VPS13D: variants seen among roughly 807,000 people sequenced by gnomAD.
The protein encoded by VPS13D is vacuolar protein sorting 13 homolog D, also known as intermembrane lipid transfer protein VPS13D.
VPS13D carries 187 observed loss-of-function variants against 461.9 expected under a neutral mutation model. That is an observed-to-expected ratio of 0.40 (90% confidence interval 0.36 to 0.46). The LOEUF (loss-of-function observed/expected upper bound fraction) is 0.46. Among genes scored for constraint, VPS13D ranks in the 20% least tolerant of loss-of-function variants. VPS13D has a pLI of 0.60. For synonymous variants in VPS13D, 1,951 were observed against 1,986.3 expected (o/e 0.98, Z 0.47); for missense variants, 4,711 against 5,364.9 (o/e 0.88, Z 3.81).
Position 12,318,349 on chromosome 1 carries a change from T to A in VPS13D, c.7414+12T>A. ...GGTCAATGTAACAGGTGATTATATG[T>A]GGGTGTGATTCATTGGTGCTTAGTT... On this transcript the variant is annotated intron_variant, in intron 31 of 69. Coordinates refer to ENST00000620676, the MANE Select transcript of VPS13D (RefSeq NM_015378.4). 6.3e-7 allele frequency: 1 copy of A among 1,598,860 alleles called. No homozygotes were observed. The highest frequency in any genetic ancestry group is 8.6e-7 in the Non-Finnish European group (1 of 1,168,584).
chr1:12,414,445 A>G (rs574085511), intron 63 of VPS13D, among the ~76,000 whole-genome samples: 16 of 152,346 alleles, frequency 1.1e-4, no homozygotes, highest in South Asian at 4.1e-4. Context: ...GACGTTAACA[A>G]ACTACAGCTA....
chr1:12,288,097 T>C, intron 21 of VPS13D, 126 bp from the exon 22 acceptor site: 1 of 742,800 alleles, frequency 1.3e-6, no homozygotes, highest in Non-Finnish European at 2.3e-6. Context: ...AAATTGGCAT[T>C]GTTAAAAGCA....
chr1:12,451,756 A>G (rs566913061), intron 65 of VPS13D, among the ~76,000 whole-genome samples: 19 of 152,248 alleles, frequency 1.2e-4, no homozygotes, highest in Non-Finnish European at 2.5e-4. Context: ...GCCATGCCAG[A>G]TGCTTTACGT....
rs1464455649 is a variant in VPS13D at position 12,509,204 on chromosome 1, G to A, written c.*180G>A. ...AAATGGAAATCGTATTAATTTGTGA[G>A]GCAGGGAGTTATTTTAGATTATGGG... On this transcript the variant is annotated 3_prime_UTR_variant, in exon 70 of 70. Transcript: ENST00000620676. 2 of 703,514 alleles carry A rather than the reference G, an allele frequency of 2.8e-6. No individual in the cohort carries two copies. Among genetic ancestry groups the A allele is most frequent in the Non-Finnish European group, 4.4e-6 (2 of 457,524 alleles). 43.6% of individuals were successfully genotyped at this position (703,514 alleles called of 1,614,324 possible).
At chr1:12,487,137 G>T (rs554104078) in intron 67 of VPS13D, among the ~76,000 whole-genome samples, 1 of 152,292 alleles carries the variant, frequency 6.6e-6, no homozygotes, top group South Asian at 2.1e-4. Context: ...ACCCATGAGT[G>T]TGGTGACTGC....
chr1:12,485,243 C>G (rs1645782091), intron 67 of VPS13D, among the ~76,000 whole-genome samples: 1 of 152,222 alleles, frequency 6.6e-6, no homozygotes, highest in Non-Finnish European at 1.5e-5. Context: ...ACATTGAGGA[C>G]TGTGAAGAGG....
intron 67 of VPS13D, among the ~76,000 whole-genome samples, chr1:12,490,938 A>G (rs1227782433): frequency 2.6e-5 from 4 of 152,198 alleles, no homozygotes; most frequent in South Asian, 4.1e-4. Flanking sequence ...TTTTTCACCA[A>G]TTCGTCTACT....
rs1468264594 is a variant in VPS13D, at chr1:12,504,477, C to T, written c.12795-2376C>T. Among the ~76,000 whole-genome samples the T allele has an allele frequency of 2.0e-5, 3 of 152,348 alleles. No individual in the cohort carries two copies. In the East Asian group the frequency reaches 5.8e-4, roughly 29 times the overall value. On this transcript the variant is annotated intron_variant, in intron 68 of 69. Transcript: ENST00000620676. ...CAGGACAGAGATCCGTGTGGAGTGA[C>T]AGCACTGCCTTCCTCCACTTACCTT...
intron 65 of VPS13D, among the ~76,000 whole-genome samples, chr1:12,429,665 C>T (rs371525096): frequency 1.3e-5 from 2 of 152,244 alleles, no homozygotes; most frequent in African/African-American, 4.8e-5. Flanking sequence ...TAGCCAAAAT[C>T]GTACTATAGC....
rs758855777 is a variant in VPS13D at position 12,327,793 on chromosome 1, C to T, written c.8136C>T (p.Cys2712=). 6.2e-7 allele frequency: 1 copy of T among 1,614,124 alleles called. No homozygotes were observed. Among genetic ancestry groups the T allele is most frequent in the South Asian group, 1.1e-5 (1 of 91,072 alleles). The part of the protein sequence containing the change: ...SGVEIKAESV[C]ICFIDDCMDC... ...TGGAGATCAAAGCTGAGAGTGTGTGCATCTGTTTCATCGATGACTGCATGG... is the reference window on the plus strand; with the variant it reads ...TGGAGATCAAAGCTGAGAGTGTGTGTATCTGTTTCATCGATGACTGCATGG... The change falls in exon 36 of 70, where the codon TGC becomes TGT. Residue 2712 remains cysteine (C), a synonymous_variant. Coordinates refer to ENST00000620676, the MANE Select transcript of VPS13D (RefSeq NM_015378.4).
rs1173811963 is a variant in VPS13D at position 12,386,305 on chromosome 1, A to G, written c.11605A>G (p.Met3869Val). ...CTATACACAGCTGGCAACCAGTCACATGCTTGAACTCAGCATACAGGATGT... is the reference window on the plus strand; with the variant it reads ...CTATACACAGCTGGCAACCAGTCACGTGCTTGAACTCAGCATACAGGATGT... ...VHYTQLATSH[M>V]LELSIQDVQV... Residue 3869 changes from methionine (M) to valine (V), a missense_variant, in exon 60 of 70, where the codon ATG becomes GTG. Physicochemically the swap from Met to Val is conservative, Grantham distance 21. Around this residue, in one of 3 missense-constraint regions of VPS13D, gnomAD observed 4,411 missense variants for 4,937.8 expected, o/e 0.89. Coordinates refer to ENST00000620676, the MANE Select transcript of VPS13D (RefSeq NM_015378.4). 5 of 1,611,620 alleles carry G rather than the reference A, an allele frequency of 3.1e-6. No individual in the cohort carries two copies. In the African/African-American group the frequency reaches 4.0e-5, roughly 13 times the overall value.
At chr1:12,259,593 T>A (rs1389053380) in intron 10 of VPS13D, among the ~76,000 whole-genome samples, 2 of 152,070 alleles carry the variant, frequency 1.3e-5, no homozygotes, top group East Asian at 3.9e-4. Context: ...CCTGAGCCAC[T>A]GCGCCCAGCC....
intron 27 of VPS13D, 58 bp downstream of exon 27, chr1:12,308,699 G>A (rs959082062): frequency 2.6e-6 from 4 of 1,547,874 alleles, no homozygotes; most frequent in Non-Finnish European, 3.5e-6. Context: ...AGGCAGGGTG[G>A]AGTGCAGTGG....
rs553962995 is a variant in VPS13D, at chr1:12,300,408, A to G, written c.6216+1024A>G. Among the ~76,000 whole-genome samples, 21 of 152,134 alleles carry G rather than the reference A, an allele frequency of 1.4e-4. No homozygotes were observed. The East Asian group carries it at 2.9e-3, about 21-fold the overall frequency. On this transcript the variant is annotated intron_variant, in intron 25 of 69. Coordinates refer to ENST00000620676, the MANE Select transcript of VPS13D (RefSeq NM_015378.4). The stretch of plus-strand genomic sequence containing the variant: ...TTTTTAGTAGAGACGAGGTTTCACC[A>G]TGTTGGCCAGGTTGGTCTTGAACTC...
At chr1:12,338,796 GTTT>G (rs1163284510) in intron 40 of VPS13D, among the ~76,000 whole-genome samples, 1 of 152,158 alleles carries the variant, frequency 6.6e-6, no homozygotes, top group Non-Finnish European at 1.5e-5. Context: ...TTGGATGTCA[GTTT>G]TTGTGTTTAG....
chr1:12,468,809 G>A (rs1256392243), intron 67 of VPS13D, among the ~76,000 whole-genome samples: 2 of 152,228 alleles, frequency 1.3e-5, no homozygotes, highest in Non-Finnish European at 2.9e-5. Context: ...GGGGCGGGTA[G>A]ATCATTTGAG....
At chr1:12,364,492 T>C (rs1644001365) in intron 52 of VPS13D, among the ~76,000 whole-genome samples, 1 of 152,216 alleles carries the variant, frequency 6.6e-6, no homozygotes, top group African/African-American at 2.4e-5. Flanking sequence ...TTATTTTGGG[T>C]ATAGATCCAG....
At chr1:12,235,966 C>T (rs1180662300) in intron 2 of VPS13D, among the ~76,000 whole-genome samples, 1 of 152,142 alleles carries the variant, frequency 6.6e-6, no homozygotes, top group Non-Finnish European at 1.5e-5. Flanking sequence ...GAGCATTTGC[C>T]AAAGAAATGA....
chr1:12,373,951 G>C (rs1285431228), intron 55 of VPS13D, 93 bp downstream of exon 55: 2 of 939,538 alleles, frequency 2.1e-6, no homozygotes, highest in Admixed American at 5.4e-5. Context: ...ATTTCATGAT[G>C]AGGCCATAGG....
Sources: allele counts gnomAD v4.1 joint callset (sites outside exome capture counted in the v4.1 genomes callset), GRCh38; gene constraint gnomAD v4.1.1; regional missense constraint gnomAD v4.1.1; transcripts MANE v1.5; gene names NCBI Gene and HGNC (gene_info 2026-07-23, HGNC 2026-07-21).